MRC1: variants seen among roughly 807,000 people sequenced by gnomAD.
MRC1 encodes macrophage mannose receptor 1.
Under a neutral mutation model 102.9 loss-of-function variants are expected in MRC1, and 62 were observed. That is an observed-to-expected ratio of 0.60 (90% CI 0.49 to 0.74). MRC1 has a LOEUF of 0.74. Ranked by LOEUF, MRC1 falls within the 30% of genes least tolerant of loss-of-function variation. The pLI is 0.00. For synonymous variants in MRC1, 457 were observed against 298.4 expected, an observed-to-expected ratio of 1.53 and a Z score of -5.48; for missense variants, 1,237 against 862.8, an observed-to-expected ratio of 1.43 and a Z score of -5.43.
At chr10:17,859,975 TA>T (rs1166504244) in intron 9 of MRC1, among the ~76,000 whole-genome samples, 3 of 152,162 alleles carry the variant, frequency 2.0e-5, no homozygotes, top group Non-Finnish European at 4.4e-5. Flanking sequence ...AGTTCTCCTT[TA>T]ACCAAGGGGT....
Position 17,814,563 on chromosome 10 carries a change from G to A in MRC1, c.61+5037G>A, listed in dbSNP as rs1838276306. 2.6e-5 allele frequency among the ~76,000 whole-genome samples: 4 copies of A among 151,870 alleles called. No homozygotes were observed. The South Asian group carries it at 8.3e-4, about 32-fold the overall frequency. ...CACTAAGGCATCACAGCTAAAAAAT[G>A]GTGGAACCAGGATTTGATTGCAAGC... On this transcript the variant is annotated intron_variant, in intron 1 of 29. Transcript: ENST00000569591.
chr10:17,900,097 C>CAAAA (rs1156472499), intron 24 of MRC1, among the ~76,000 whole-genome samples: 7 of 106,810 alleles, frequency 6.6e-5, no homozygotes, highest in Admixed American at 1.0e-4. Flanking sequence ...AGACTTCTCT[C>CAAAA]AAAAAAAAAA....
chr10:17,849,901 T>G (rs1838888212), intron 7 of MRC1, 137 bp downstream of exon 7: 1 of 594,420 alleles, frequency 1.7e-6, no homozygotes, highest in Admixed American at 2.7e-5. Context: ...CGTATGAATT[T>G]AATCACAAAT....
At chr10:17,907,478 AT>A (rs1833911232) in intron 27 of MRC1, 55 bp from the exon 28 acceptor site, 1 of 779,164 alleles carries the variant, frequency 1.3e-6, no homozygotes, top group Non-Finnish European at 2.4e-6. Context: ...GGCTGAACTT[AT>A]TTTAAGATAG....
intron 15 of MRC1, among the ~76,000 whole-genome samples, chr10:17,873,481 C>G (rs1173826677): frequency 2.0e-5 from 3 of 149,514 alleles, no homozygotes; most frequent in African/African-American, 7.4e-5. Context: ...CTTTCTGATT[C>G]TAAAACTCAT....
intron 18 of MRC1, among the ~76,000 whole-genome samples, chr10:17,878,818 A>T (rs1319219106): frequency 1.3e-5 from 2 of 152,096 alleles, no homozygotes; most frequent in African/African-American, 4.8e-5. Context: ...ATGCACCACC[A>T]TACCCCACAG....
In MRC1 at chr10:17,880,690, C is replaced by G; in HGVS notation, c.2865+20C>G. The G allele has an allele frequency of 2.6e-6, 2 of 780,808 alleles. No homozygotes were observed. Among genetic ancestry groups the G allele is most frequent in the South Asian group, 2.7e-5 (2 of 74,610 alleles). The allele number at this position is 780,808 out of a possible 1,614,324, so 48.4% of individuals were successfully genotyped here. ...AACAAGGTACTAGGAAAATTAGTTG[C>G]AATCTTGGCACTGATCAGTATGGAG... On this transcript the variant is annotated intron_variant, in intron 20 of 29. Coordinates refer to ENST00000569591, the MANE Select transcript of MRC1 (RefSeq NM_002438.4).
chr10:17,882,918 G>T (rs1833539035), intron 21 of MRC1, among the ~76,000 whole-genome samples: 1 of 152,162 alleles, frequency 6.6e-6, no homozygotes, highest in African/African-American at 2.4e-5. Flanking sequence ...GGATAATAGA[G>T]ATGTGCAGAA....
intron 16 of MRC1, 75 bp downstream of exon 16, chr10:17,873,900 T>C: frequency 1.2e-6 from 1 of 850,820 alleles, no homozygotes; most frequent in Non-Finnish European, 2.1e-6. Context: ...AATGAAAAAA[T>C]TACTTGCCCT....
chr10:17,837,964 AT>A (rs1221803101), intron 4 of MRC1, among the ~76,000 whole-genome samples: 2 of 151,972 alleles, frequency 1.3e-5, no homozygotes, highest in Non-Finnish European at 2.9e-5. Flanking sequence ...TTGTCTGCCA[AT>A]TACTGAAGAG....
At chr10:17,837,966 T>A (rs1838694824) in intron 4 of MRC1, among the ~76,000 whole-genome samples, 3 of 152,018 alleles carry the variant, frequency 2.0e-5, no homozygotes, top group Admixed American at 6.6e-5. Context: ...GTCTGCCAAT[T>A]ACTGAAGAGC....
chr10:17,882,914 T>C (rs1294629860), intron 21 of MRC1, among the ~76,000 whole-genome samples: 5 of 152,130 alleles, frequency 3.3e-5, no homozygotes, highest in African/African-American at 1.2e-4. Flanking sequence ...AACTGGATAA[T>C]AGAGATGTGC....
rs1261688094 is a variant in MRC1, at chr10:17,840,680, T to C, written c.803-13T>C. 2.6e-5 allele frequency: 20 copies of C among 780,314 alleles called. No individual in the cohort carries two copies. Among genetic ancestry groups the C allele is most frequent in the Non-Finnish European group, 4.3e-5 (18 of 417,868 alleles). 48.3% of individuals were successfully genotyped at this position (780,314 alleles called of 1,614,324 possible). On this transcript the variant is annotated splice_polypyrimidine_tract_variant and intron_variant, in intron 4 of 29. Coordinates refer to ENST00000569591, the MANE Select transcript of MRC1 (RefSeq NM_002438.4). ...GTTCTTGTTTGTTTGTTTTGCTTTC[T>C]TTAAAAATATAGGATTAACCAGTTC...
chr10:17,850,434 C>G (rs1470193319), intron 7 of MRC1, among the ~76,000 whole-genome samples: 1 of 151,562 alleles, frequency 6.6e-6, no homozygotes, highest in Non-Finnish European at 1.5e-5. Context: ...GACCTCGTCT[C>G]TACTAAAAAA....
At chr10:17,905,010 A>G (rs1833877578) in intron 26 of MRC1, among the ~76,000 whole-genome samples, 2 of 152,228 alleles carry the variant, frequency 1.3e-5, no homozygotes, top group Non-Finnish European at 2.9e-5. Context: ...ACTTGAAGGG[A>G]AAAGTCTGTT....
intron 1 of MRC1, among the ~76,000 whole-genome samples, chr10:17,812,135 C>T (rs1015622926): frequency 6.6e-5 from 10 of 152,196 alleles, no homozygotes; most frequent in South Asian, 2.1e-4. Flanking sequence ...CACCATAAGT[C>T]TCTGTGGGCT....
intron 26 of MRC1, among the ~76,000 whole-genome samples, chr10:17,903,710 C>A (rs1273947165): frequency 6.6e-6 from 1 of 151,916 alleles, no homozygotes; most frequent in African/African-American, 2.4e-5. Context: ...TTTTAATTTT[C>A]TTGTTGTTTC....
chr10:17,885,620 C>T (rs1386320206), intron 22 of MRC1, among the ~76,000 whole-genome samples, 185 bp downstream of exon 22: 3 of 152,118 alleles, frequency 2.0e-5, no homozygotes, highest in Non-Finnish European at 4.4e-5. Context: ...GTTAAAAAAT[C>T]TTTGGCTTGA....
At chr10:17,883,465 G>A (rs1833546416) in intron 21 of MRC1, among the ~76,000 whole-genome samples, 1 of 151,630 alleles carries the variant, frequency 6.6e-6, no homozygotes, top group African/African-American at 2.4e-5. Context: ...AAAAACGGTG[G>A]AAGAGTTTTT....
Sources: gnomAD v4.1 joint callset for allele counts (sites outside exome capture counted in the v4.1 genomes callset) on GRCh38, gnomAD v4.1.1 for gene constraint, MANE v1.5 for transcripts, NCBI Gene and HGNC (gene_info 2026-07-23, HGNC 2026-07-21) for gene names.